The following STXBP5 variants were observed in gnomAD, a reference collection of about 807,000 sequenced individuals.
STXBP5 encodes the protein syntaxin-binding protein 5.
Under a neutral mutation model 152.4 loss-of-function variants are expected in STXBP5, and 50 were observed. The ratio of observed to expected loss-of-function variants is 0.33; its 90% CI spans 0.26 to 0.42. STXBP5 has a LOEUF of 0.42. Ranked by LOEUF, STXBP5 falls within the 10% of genes least tolerant of loss-of-function variation. The probability of loss-of-function intolerance (pLI) is 1.00; values close to 1 mark genes in which losing one functional copy is unlikely to be tolerated. For missense variants in STXBP5, 1,167 were observed against 1,388.6 expected, an observed-to-expected ratio of 0.84 and a Z score of 2.54; for synonymous variants, 492 against 494.7, an observed-to-expected ratio of 0.99 and a Z score of 0.07.
chr6:147,229,232 GT>G (rs1777876188), intron 2 of STXBP5, among the ~76,000 whole-genome samples: 1 of 151,832 alleles, frequency 6.6e-6, no homozygotes, highest in Non-Finnish European at 1.5e-5. Context: ...AATATCGTAT[GT>G]TTTAATTTGT....
chr6:147,235,176 C>A, intron 2 of STXBP5, 74 bp from the exon 3 acceptor site: 3 of 1,260,840 alleles, frequency 2.4e-6, no homozygotes, highest in South Asian at 1.2e-5. Flanking sequence ...GAATATTTAT[C>A]AGCCTATTAT....
At chr6:147,250,687 T>A (rs1286106687) in intron 4 of STXBP5, among the ~76,000 whole-genome samples, 1 of 152,126 alleles carries the variant, frequency 6.6e-6, no homozygotes, top group Non-Finnish European at 1.5e-5. Context: ...TTTCTTTGGT[T>A]ACTCTAGGAC....
chr6:147,252,174 C>T (rs1162970754), intron 4 of STXBP5, among the ~76,000 whole-genome samples: 2 of 152,072 alleles, frequency 1.3e-5, no homozygotes, highest in East Asian at 1.9e-4. Flanking sequence ...CTCTTCTCCT[C>T]CAAAGGATCA....
chr6:147,331,279 A>G (rs926475827), intron 18 of STXBP5, among the ~76,000 whole-genome samples: 2 of 152,246 alleles, frequency 1.3e-5, no homozygotes, highest in Non-Finnish European at 2.9e-5. Context: ...AAGATAATTT[A>G]TAGGTAGAAA....
At chr6:147,353,275 A>T in intron 21 of STXBP5, 48 bp from the exon 22 acceptor site, 1 of 1,251,572 alleles carries the variant, frequency 8.0e-7, no homozygotes, top group Non-Finnish European at 1.1e-6. Context: ...TGATATTAGT[A>T]TGAATCAAAT....
intron 14 of STXBP5, 149 bp downstream of exon 14, chr6:147,314,785 G>T: frequency 1.9e-6 from 1 of 535,052 alleles, no homozygotes; most frequent in Non-Finnish European, 3.1e-6. Context: ...CATGAGTTTA[G>T]AATTTTTAAT....
chr6:147,277,929 A>G (rs1780524820), intron 7 of STXBP5, 152 bp from the exon 8 acceptor site: 1 of 618,450 alleles, frequency 1.6e-6, no homozygotes, highest in Non-Finnish European at 2.6e-6. Flanking sequence ...TTTGTATTAC[A>G]AGAGGGCCAA....
intron 21 of STXBP5, among the ~76,000 whole-genome samples, chr6:147,350,760 C>T (rs776541023): frequency 6.7e-6 from 1 of 149,152 alleles, no homozygotes; most frequent in Non-Finnish European, 1.5e-5. Flanking sequence ...TATATCTCAC[C>T]TTATTATTAA....
At chr6:147,362,377 A>G (rs1347753464) in intron 23 of STXBP5, among the ~76,000 whole-genome samples, 2 of 152,200 alleles carry the variant, frequency 1.3e-5, no homozygotes, top group Non-Finnish European at 2.9e-5. Context: ...TCAGCTATCT[A>G]CCCTGCCTTC....
chr6:147,326,996 A>T, intron 17 of STXBP5, 129 bp from the exon 18 acceptor site: 1 of 738,500 alleles, frequency 1.4e-6, no homozygotes, highest in Non-Finnish European at 2.2e-6. Flanking sequence ...CAGTTCCTAT[A>T]GTTGTCTTTT....
In STXBP5 at chr6:147,371,779, C is replaced by G. The variant is rs116568146; in HGVS notation, c.3082-1952C>G. ...CAAATAAGAAATGCAAACTGTAATT[C>G]TAAAAATGAGGTAAAATTTTTTAAA... On this transcript the variant is annotated intron_variant, in intron 25 of 27. Transcript: ENST00000321680. Among the ~76,000 whole-genome samples, 720 of 152,218 alleles carry G rather than the reference C, an allele frequency of 4.7e-3. 3 individuals are homozygous for G. The highest frequency in any genetic ancestry group is 0.016 in the African/African-American group (669 of 41,550).
At chr6:147,225,016 G>A (rs1336737842) in intron 2 of STXBP5, among the ~76,000 whole-genome samples, 1 of 152,066 alleles carries the variant, frequency 6.6e-6, no homozygotes, top group Non-Finnish European at 1.5e-5. Flanking sequence ...ACATTTTGAA[G>A]GCATATCAAA....
rs574163451 is a variant in STXBP5, at chr6:147,375,476, G to A, written c.3193+1634G>A. On this transcript the variant is annotated intron_variant, in intron 26 of 27. Transcript: ENST00000321680. Reference sequence around the variant, plus strand: ...ATTATGTAACTTAAACATACGTTAGGAGAAGTCATCTAAAATGCAGCACAA... The same window carrying A: ...ATTATGTAACTTAAACATACGTTAGAAGAAGTCATCTAAAATGCAGCACAA... Among the ~76,000 whole-genome samples, 5 of 151,992 alleles carry A rather than the reference G, an allele frequency of 3.3e-5. No individual in the cohort carries two copies. The South Asian group carries it at 1.0e-3, about 32-fold the overall frequency.
At chr6:147,261,565 T>C (rs2115341884) in intron 5 of STXBP5, among the ~76,000 whole-genome samples, 1 of 152,196 alleles carries the variant, frequency 6.6e-6, no homozygotes, top group East Asian at 1.9e-4. Flanking sequence ...AAGTCATGTG[T>C]TAGTATAGCT....
chr6:147,359,468 T>A (rs985139150), intron 23 of STXBP5, 145 bp downstream of exon 23: 5 of 1,017,938 alleles, frequency 4.9e-6, no homozygotes, highest in East Asian at 2.8e-5. Context: ...TTTATTTTTT[T>A]AATTATTATA....
chr6:147,221,595 G>A lies in STXBP5; in HGVS notation c.249-13655G>A, dbSNP rs926876113. Among the ~76,000 whole-genome samples, 32 of 147,916 alleles carry A rather than the reference G, an allele frequency of 2.2e-4. 1 individual carries two copies. The highest frequency in any genetic ancestry group is 6.5e-4 in the African/African-American group (26 of 40,134). The stretch of plus-strand genomic sequence containing the variant: ...AAATGTTTTATTTCTCTCTCTTCTT[G>A]CCTGCATGGTTTCTTGTGAGAAGTC... On this transcript the variant is annotated intron_variant, in intron 2 of 27. Coordinates refer to ENST00000321680, the MANE Select transcript of STXBP5 (RefSeq NM_001127715.4).
intron 8 of STXBP5, among the ~76,000 whole-genome samples, chr6:147,281,648 A>G (rs1208061707): frequency 6.6e-6 from 1 of 152,172 alleles, no homozygotes; most frequent in Non-Finnish European, 1.5e-5. Flanking sequence ...TTGTTCAAGT[A>G]TCTTAGTCTT....
intron 2 of STXBP5, among the ~76,000 whole-genome samples, chr6:147,213,494 A>T (rs1404859781): frequency 2.3e-5 from 3 of 131,448 alleles, no homozygotes; most frequent in South Asian, 2.2e-4. Context: ...GCATATATAT[A>T]TTTTTTCTTT....
intron 9 of STXBP5, among the ~76,000 whole-genome samples, chr6:147,299,226 A>C (rs1781683945): frequency 6.7e-6 from 1 of 148,422 alleles, no homozygotes. Context: ...ATGAATAATT[A>C]TATGCCAACA....
Sources: gnomAD v4.1 joint callset for allele counts (sites outside exome capture counted in the v4.1 genomes callset) on GRCh38, gnomAD v4.1.1 for gene constraint, MANE v1.5 for transcripts, NCBI Gene and HGNC (gene_info 2026-07-23, HGNC 2026-07-21) for gene names.